Variants in PEX14 observed in about 807,000 individuals in gnomAD.
The protein encoded by PEX14 is peroxisomal membrane protein PEX14.
Under a neutral mutation model 49.5 loss-of-function variants are expected in PEX14, and 15 were observed. The ratio of observed to expected loss-of-function variants is 0.30; its 90% confidence interval spans 0.20 to 0.47. The LOEUF (loss-of-function observed/expected upper bound fraction) is 0.47. Among genes scored for constraint, PEX14 ranks in the 20% least tolerant of loss-of-function variants. PEX14 has a pLI of 1.00. For missense variants in PEX14, 398 were observed against 494.8 expected (o/e 0.80, Z 1.86); for synonymous variants, 210 against 212.7 (o/e 0.99, Z 0.11).
At position 10,629,735 on chromosome 1, in the gene PEX14, C is replaced by A. The variant is rs928631810; in HGVS notation, c.882C>A (p.Gly294=). Residue 294 remains glycine (G), a synonymous_variant, in exon 9 of 9, where the codon GGC becomes GGA. Coordinates refer to ENST00000356607, the MANE Select transcript of PEX14 (RefSeq NM_004565.3). The surrounding 1 kb of genome is among the most constrained non-coding windows in gnomAD (Gnocchi z 8.5). ...EGSTVTYHLL[G]PQEEGEGVVD... is the part of the protein sequence containing the mutation. ...CCACGGTCACCTACCACTTGCTGGG[C>A]CCCCAGGAGGAAGGCGAGGGGGTGG... The A allele has an allele frequency of 6.3e-7, 1 of 1,597,392 alleles. No homozygotes were observed. Among genetic ancestry groups the A allele is most frequent in the African/African-American group, 1.3e-5 (1 of 74,554 alleles).
intron 3 of PEX14, among the ~76,000 whole-genome samples, chr1:10,547,521 C>G (rs979653289): frequency 2.0e-5 from 3 of 152,140 alleles, no homozygotes; most frequent in Admixed American, 6.5e-5. Context: ...GAAACCTCGG[C>G]TAGTACCGAA....
chr1:10,543,078 CTT>C (rs1380974789), intron 3 of PEX14, among the ~76,000 whole-genome samples: 1 of 152,234 alleles, frequency 6.6e-6, no homozygotes, highest in Non-Finnish European at 1.5e-5. Flanking sequence ...GCGGTTAACA[CTT>C]AGCACAGATT....
At chr1:10,520,339 T>C (rs564278891) in intron 2 of PEX14, among the ~76,000 whole-genome samples, 14 of 151,928 alleles carry the variant, frequency 9.2e-5, no homozygotes, top group African/African-American at 3.4e-4. Flanking sequence ...TTAAATTTTT[T>C]GAAGAGACAG....
intron 4 of PEX14, 128 bp from the exon 5 acceptor site, chr1:10,618,204 C>G (rs1040095534): frequency 1.4e-6 from 1 of 710,222 alleles, no homozygotes; most frequent in Non-Finnish European, 2.6e-6. Flanking sequence ...TGCCTTCCTG[C>G]GTTGGAGTGT....
chr1:10,614,573 T>C (rs1315941687), intron 4 of PEX14, among the ~76,000 whole-genome samples: 1 of 152,156 alleles, frequency 6.6e-6, no homozygotes, highest in Non-Finnish European at 1.5e-5. Context: ...GCTGTCCTTC[T>C]CATGGCGGGA....
At chr1:10,605,735 T>C (rs114884056) in intron 4 of PEX14, among the ~76,000 whole-genome samples, 1 of 152,380 alleles carries the variant, frequency 6.6e-6, no homozygotes, top group African/African-American at 2.4e-5. Context: ...CATGCTTCCA[T>C]TTCTTTCTCT....
chr1:10,589,452 T>C (rs1640595910), intron 3 of PEX14, among the ~76,000 whole-genome samples: 1 of 152,150 alleles, frequency 6.6e-6, no homozygotes, highest in Non-Finnish European at 1.5e-5. Flanking sequence ...ATTCAGAGTG[T>C]AAGTTGAATT....
At chr1:10,586,124 C>G (rs1640477688) in intron 3 of PEX14, among the ~76,000 whole-genome samples, 1 of 152,206 alleles carries the variant, frequency 6.6e-6, no homozygotes, top group Non-Finnish European at 1.5e-5. Context: ...GTAGTACAAA[C>G]AGACAAAGCA....
intron 3 of PEX14, among the ~76,000 whole-genome samples, chr1:10,590,169 G>T (rs1007665095): frequency 4.6e-5 from 7 of 152,120 alleles, no homozygotes; most frequent in Non-Finnish European, 1.0e-4. Context: ...TCTACTTCTG[G>T]CACTGCTCGG....
intron 2 of PEX14, among the ~76,000 whole-genome samples, chr1:10,520,197 A>T (rs1638238923): frequency 1.5e-5 from 2 of 129,172 alleles, no homozygotes; most frequent in African/African-American, 3.1e-5. Context: ...TCACTCTGTC[A>T]CCCCAGGCTG....
At chr1:10,572,891 G>C (rs140794684) in intron 3 of PEX14, among the ~76,000 whole-genome samples, 239 of 152,272 alleles carry the variant, frequency 1.6e-3, no homozygotes, top group African/African-American at 5.5e-3. Flanking sequence ...AAATGTTATA[G>C]ACTGTACCTA....
At chr1:10,591,572 A>G (rs1640667726) in intron 3 of PEX14, among the ~76,000 whole-genome samples, 1 of 151,830 alleles carries the variant, frequency 6.6e-6, no homozygotes, top group South Asian at 2.1e-4. Context: ...TTCCCCAGCA[A>G]CTAGTCCTCT....
In PEX14 at chr1:10,572,680, G is replaced by GC. The variant is rs35066108; in HGVS notation, c.170-26550dup. Among the ~76,000 whole-genome samples, 459 of 151,376 alleles carry GC rather than the reference G, an allele frequency of 3.0e-3. 2 individuals are homozygous for GC. The highest frequency in any genetic ancestry group is 6.8e-3 in the Middle Eastern group (2 of 294). On this transcript the variant is annotated intron_variant, in intron 3 of 8. Transcript: ENST00000356607. ...CTCCCGAGTAGCTGGGACTATAGGCGCCCCCCCCACCACGCCCAGCTAATT... is the reference window on the plus strand; with the variant it reads ...CTCCCGAGTAGCTGGGACTATAGGCGCCCCCCCCCACCACGCCCAGCTAATT...
At chr1:10,479,589 T>G (rs1053901271) in intron 1 of PEX14, among the ~76,000 whole-genome samples, 6 of 152,218 alleles carry the variant, frequency 3.9e-5, no homozygotes, top group African/African-American at 1.4e-4. Flanking sequence ...ATCTGATTAC[T>G]TCACAGTTAC....
intron 3 of PEX14, among the ~76,000 whole-genome samples, chr1:10,598,237 G>C (rs1049097040): frequency 6.6e-6 from 1 of 152,160 alleles, no homozygotes; most frequent in Admixed American, 6.5e-5. Context: ...CCCACTCTCA[G>C]CAGCTGGAGT....
intron 1 of PEX14, among the ~76,000 whole-genome samples, chr1:10,479,687 A>C (rs1641252144): frequency 6.6e-6 from 1 of 152,218 alleles, no homozygotes. Context: ...AGGCTACAGA[A>C]GCAGGCAGGG....
intron 2 of PEX14, among the ~76,000 whole-genome samples, chr1:10,520,147 T>G (rs1638231912): frequency 2.2e-5 from 1 of 46,484 alleles, no homozygotes; most frequent in Non-Finnish European, 5.7e-5. Context: ...GCCTTCTTCT[T>G]CTTTTTTTTT....
rs369170560 is a variant in PEX14 at position 10,540,920 on chromosome 1, T to G, written c.169+4623T>G. 5.9e-5 allele frequency among the ~76,000 whole-genome samples: 9 copies of G among 152,330 alleles called. No individual in the cohort carries two copies. In the East Asian group the frequency reaches 1.7e-3, roughly 29 times the overall value. On this transcript the variant is annotated intron_variant, in intron 3 of 8. Coordinates refer to ENST00000356607, the MANE Select transcript of PEX14 (RefSeq NM_004565.3). ...CGAGACATGGATTGTGGCATCAAGA[T>G]TTAGATTCATTCCTCTGTTTGTTGG...
chr1:10,541,710 A>G (rs1450528213), intron 3 of PEX14, among the ~76,000 whole-genome samples: 1 of 152,080 alleles, frequency 6.6e-6, no homozygotes, highest in African/African-American at 2.4e-5. Flanking sequence ...CCCCGCATCA[A>G]TTTTCCCGCT....
Sources: gnomAD v4.1 joint callset for allele counts (sites outside exome capture counted in the v4.1 genomes callset) on GRCh38, gnomAD v4.1.1 for gene constraint, Gnocchi (gnomAD v3.1) non-coding constraint, MANE v1.5 for transcripts, NCBI Gene and HGNC (gene_info 2026-07-23, HGNC 2026-07-21) for gene names.